GAREM1: variants seen among roughly 807,000 people sequenced by gnomAD.
GAREM1 encodes GRB2 associated regulator of MAPK1 subtype 1.
Under a neutral mutation model 71.3 loss-of-function variants are expected in GAREM1, and 26 were observed. The observed-to-expected ratio is 0.36, with a 90% CI of 0.27 to 0.51. The LOEUF (loss-of-function observed/expected upper bound fraction) is 0.51. GAREM1 is among the 20% of genes least tolerant of loss of function. GAREM1 has a pLI of 0.95. For synonymous variants in GAREM1, 440 were observed against 433.2 expected (o/e 1.02, Z -0.20); for missense variants, 1,026 against 1,103.1 (o/e 0.93, Z 0.99).
intron 1 of GAREM1, among the ~76,000 whole-genome samples, chr18:32,455,070 C>T (rs931946219): frequency 2.6e-5 from 4 of 152,168 alleles, no homozygotes; most frequent in African/African-American, 9.7e-5. Flanking sequence ...AATCCAGGAT[C>T]GAGGTTTTGT....
intron 2 of GAREM1, among the ~76,000 whole-genome samples, chr18:32,324,877 G>T (rs1013625354): frequency 1.3e-5 from 2 of 152,316 alleles, no homozygotes; most frequent in East Asian, 3.9e-4. Flanking sequence ...TCTGGAAAAG[G>T]CAAAACTATG....
At chr18:32,373,479 CAG>C (rs1384473235) in intron 2 of GAREM1, among the ~76,000 whole-genome samples, 1 of 152,108 alleles carries the variant, frequency 6.6e-6, no homozygotes, top group Non-Finnish European at 1.5e-5. Flanking sequence ...CTGCTCTGAT[CAG>C]AGAGACCCAG....
chr18:32,385,870 T>C (rs920817606), intron 2 of GAREM1, among the ~76,000 whole-genome samples: 1 of 152,168 alleles, frequency 6.6e-6, no homozygotes, highest in Non-Finnish European at 1.5e-5. Flanking sequence ...ATAGCACCCA[T>C]TTCATGAGTT....
intron 2 of GAREM1, among the ~76,000 whole-genome samples, chr18:32,335,482 C>A (rs2047581849): frequency 2.0e-5 from 3 of 152,140 alleles, no homozygotes; most frequent in Admixed American, 6.5e-5. Context: ...GAACTGGGAG[C>A]TAATCACCAT....
At chr18:32,341,922 T>G (rs2047651621) in intron 2 of GAREM1, among the ~76,000 whole-genome samples, 2 of 151,918 alleles carry the variant, frequency 1.3e-5, no homozygotes, top group South Asian at 2.1e-4. Flanking sequence ...GAGGGTCCTG[T>G]CAAGGATCAT....
chr18:32,320,910 T>G (rs2047422151), intron 2 of GAREM1, among the ~76,000 whole-genome samples: 1 of 152,234 alleles, frequency 6.6e-6, no homozygotes, highest in African/African-American at 2.4e-5. Context: ...AGAAAGGTCT[T>G]AGATTGAACA....
At chr18:32,311,601 T>C (rs2047324718) in intron 2 of GAREM1, among the ~76,000 whole-genome samples, 1 of 151,704 alleles carries the variant, frequency 6.6e-6, no homozygotes. Flanking sequence ...TTGGTGTAGG[T>C]GAGGGAGGGT....
At chr18:32,284,555 A>G (rs77888798) in intron 4 of GAREM1, among the ~76,000 whole-genome samples, 3,767 of 152,304 alleles carry the variant, frequency 0.025, 152 homozygotes, top group African/African-American at 0.078. Flanking sequence ...TGACCATCTC[A>G]GATGAGTCTG....
intron 2 of GAREM1, among the ~76,000 whole-genome samples, chr18:32,360,564 G>T (rs527390673): frequency 6.3e-4 from 95 of 151,924 alleles, no homozygotes; most frequent in African/African-American, 1.9e-3. Context: ...ATCTTTTTTG[G>T]GGGGGTGGGG....
chr18:32,470,304 T>G lies in GAREM1; in HGVS notation c.121+4A>C. The G allele has an allele frequency of 6.5e-7, 1 of 1,544,634 alleles. No homozygotes were observed. Among genetic ancestry groups the G allele is most frequent in the Non-Finnish European group, 8.7e-7 (1 of 1,148,508 alleles). On this transcript the variant is annotated splice_donor_region_variant and intron_variant, in intron 1 of 5. Coordinates refer to ENST00000269209, the MANE Select transcript of GAREM1 (RefSeq NM_001242409.2). This position sits in a 1 kb window ranked among gnomAD's most constrained non-coding sequence, Gnocchi z 4.4. ...GTCTGCCCCGCGCCCCAGCTGGGAC[T>G]CACCGTTGTCCAGGCGCGCGATCTG...
chr18:32,348,196 G>T (rs1224125637), intron 2 of GAREM1, among the ~76,000 whole-genome samples: 1 of 152,170 alleles, frequency 6.6e-6, no homozygotes, highest in Non-Finnish European at 1.5e-5. Context: ...TTATGAATTG[G>T]AATTCAGCAA....
intron 1 of GAREM1, among the ~76,000 whole-genome samples, chr18:32,407,984 A>T (rs71361380): frequency 0.06 from 8,876 of 148,582 alleles, 291 homozygotes; most frequent in African/African-American, 0.082. Flanking sequence ...TTTTTTTTTT[A>T]AAAAAAAACT....
rs192944612 is a variant in GAREM1, at chr18:32,377,708, C to T, written c.262+15187G>A. On this transcript the variant is annotated intron_variant, in intron 2 of 5. Transcript: ENST00000269209. ...CCTCCCAAGTAGTTGGGACTACAGG[C>T]GCATGCCACCACACCTGGCTAATTT... is the stretch of plus-strand genomic sequence containing the variant. Among the ~76,000 whole-genome samples, 6 of 152,208 alleles carry T rather than the reference C, an allele frequency of 3.9e-5. No homozygotes were observed. The East Asian group carries it at 5.8e-4, about 15-fold the overall frequency.
chr18:32,289,320 A>C (rs1380979606), intron 3 of GAREM1, among the ~76,000 whole-genome samples: 1 of 151,996 alleles, frequency 6.6e-6, no homozygotes, highest in African/African-American at 2.4e-5. Flanking sequence ...TTATACTTTT[A>C]TCACTTTATG....
chr18:32,327,391 A>G (rs2047484144), intron 2 of GAREM1, among the ~76,000 whole-genome samples: 2 of 152,242 alleles, frequency 1.3e-5, no homozygotes, highest in Admixed American at 1.3e-4. Context: ...AGACAGCATT[A>G]TCTTCATTAA....
intron 2 of GAREM1, among the ~76,000 whole-genome samples, chr18:32,344,425 T>C (rs1015130147): frequency 6.6e-6 from 1 of 152,154 alleles, no homozygotes. Flanking sequence ...AACTGGGACA[T>C]GTAAAGAAGC....
At chr18:32,367,206 A>G (rs779597145) in intron 2 of GAREM1, among the ~76,000 whole-genome samples, 54 of 152,254 alleles carry the variant, frequency 3.5e-4, no homozygotes, top group Non-Finnish European at 4.8e-4. Flanking sequence ...TACTATTTTC[A>G]AACAGTATTT....
chr18:32,323,934 A>G (rs1307015366), intron 2 of GAREM1, among the ~76,000 whole-genome samples: 1 of 152,176 alleles, frequency 6.6e-6, no homozygotes, highest in African/African-American at 2.4e-5. Context: ...GAAAGAGAAA[A>G]ATGGGGAGAG....
chr18:32,302,624 C>T (rs1485339975), intron 3 of GAREM1, among the ~76,000 whole-genome samples: 2 of 152,054 alleles, frequency 1.3e-5, no homozygotes, highest in Non-Finnish European at 2.9e-5. Flanking sequence ...AAGACAAATA[C>T]CACATGGTCT....
Sources: allele counts gnomAD v4.1 joint callset (sites outside exome capture counted in the v4.1 genomes callset), GRCh38; gene constraint gnomAD v4.1.1; non-coding constraint Gnocchi (gnomAD v3.1); transcripts MANE v1.5; gene names NCBI Gene and HGNC (gene_info 2026-07-23, HGNC 2026-07-21).